The following SORCS3 variants were observed in gnomAD, a reference collection of about 807,000 sequenced individuals.
SORCS3 encodes the protein VPS10 domain-containing receptor SorCS3.
SORCS3 carries 57 observed loss-of-function variants against 146.3 expected under a neutral mutation model. That is an observed-to-expected ratio of 0.39 (90% CI 0.31 to 0.49). SORCS3 has a LOEUF of 0.49. Among genes scored for constraint, SORCS3 ranks in the 20% least tolerant of loss-of-function variants. The pLI is 0.92. For synonymous variants in SORCS3, 653 were observed against 618.5 expected, an observed-to-expected ratio of 1.06 and a Z score of -0.83; for missense variants, 1,341 against 1,575.5, an observed-to-expected ratio of 0.85 and a Z score of 2.52.
chr10:104,650,899 T>C (rs920645652), intron 1 of SORCS3, among the ~76,000 whole-genome samples: 1 of 152,198 alleles, frequency 6.6e-6, no homozygotes, highest in African/African-American at 2.4e-5. Flanking sequence ...CTCATTCAGA[T>C]GGTTAGAATC....
chr10:105,143,277 C>T (rs2056108019), intron 8 of SORCS3, among the ~76,000 whole-genome samples: 1 of 152,064 alleles, frequency 6.6e-6, no homozygotes, highest in East Asian at 1.9e-4. Context: ...TGTGGATCCC[C>T]TTCTTACCAC....
At chr10:104,893,870 C>T (rs1324092042) in intron 2 of SORCS3, among the ~76,000 whole-genome samples, 3 of 152,316 alleles carry the variant, frequency 2.0e-5, no homozygotes, top group South Asian at 4.1e-4. Flanking sequence ...ATAAGGACCT[C>T]GGGTTTTCTC....
chr10:104,696,479 G>GAATATATAATATAT (rs779178861), intron 1 of SORCS3, among the ~76,000 whole-genome samples: 1 of 6,952 alleles, frequency 1.4e-4, no homozygotes, highest in Non-Finnish European at 4.3e-4. Context: ...ATAGAATATA[G>GAATATATAATATAT]AATATATAAT....
chr10:105,176,799 G>A (rs961864979), intron 13 of SORCS3, among the ~76,000 whole-genome samples: 1 of 152,076 alleles, frequency 6.6e-6, no homozygotes, highest in Non-Finnish European at 1.5e-5. Context: ...AGGTTGCAGT[G>A]AGCCGAGATC....
intron 1 of SORCS3, among the ~76,000 whole-genome samples, chr10:104,771,155 G>A (rs2017245065): frequency 6.6e-6 from 1 of 152,172 alleles, no homozygotes. Context: ...AGCAGTGTCG[G>A]CATCACCTGG....
intron 3 of SORCS3, among the ~76,000 whole-genome samples, chr10:104,976,533 C>T (rs2133648934): frequency 6.6e-6 from 1 of 152,200 alleles, no homozygotes; most frequent in South Asian, 2.1e-4. Context: ...ACTAGAAATA[C>T]CATTTGACCC....
intron 16 of SORCS3, among the ~76,000 whole-genome samples, chr10:105,203,858 TG>T (rs1373524117): frequency 6.6e-6 from 1 of 152,222 alleles, no homozygotes; most frequent in African/African-American, 2.4e-5. Flanking sequence ...TTGCTGCTGC[TG>T]TTGATGCTGT....
At chr10:104,724,941 G>A (rs946845209) in intron 1 of SORCS3, among the ~76,000 whole-genome samples, 2 of 152,142 alleles carry the variant, frequency 1.3e-5, no homozygotes, top group African/African-American at 2.4e-5. Flanking sequence ...TTAGCTCGGA[G>A]TAGTTTGATA....
intron 4 of SORCS3, among the ~76,000 whole-genome samples, chr10:104,999,876 GT>G (rs1416642317): frequency 1.3e-5 from 2 of 152,136 alleles, no homozygotes; most frequent in East Asian, 3.9e-4. Flanking sequence ...TATCCCAGGG[GT>G]TTTCATATGG....
chr10:105,089,966 C>A (rs2055690685), intron 6 of SORCS3, 127 bp downstream of exon 6: 3 of 710,824 alleles, frequency 4.2e-6, no homozygotes, highest in Non-Finnish European at 7.4e-6. Context: ...CACATCCATC[C>A]TTAATTCCCA....
At chr10:104,829,688 A>G (rs1169457119) in intron 1 of SORCS3, among the ~76,000 whole-genome samples, 1 of 152,136 alleles carries the variant, frequency 6.6e-6, no homozygotes, top group Non-Finnish European at 1.5e-5. Flanking sequence ...CTTTGAGGCC[A>G]TCTAGTAGCC....
intron 9 of SORCS3, among the ~76,000 whole-genome samples, chr10:105,151,002 T>G (rs2056164299): frequency 6.6e-6 from 1 of 152,158 alleles, no homozygotes; most frequent in Non-Finnish European, 1.5e-5. Flanking sequence ...ATTAGCACAC[T>G]TTTATGGAGT....
At chr10:105,158,413 A>G (rs759269520) in intron 10 of SORCS3, among the ~76,000 whole-genome samples, 1 of 152,226 alleles carries the variant, frequency 6.6e-6, no homozygotes, top group Non-Finnish European at 1.5e-5. Context: ...CAAAATATAT[A>G]AAACAGAGAC....
In SORCS3 at chr10:105,129,332, T is replaced by TCTCTCTCTC. The variant is rs10695210; in HGVS notation, c.1213-10065_1213-10064insCTCTCTCTC. ...TTTCTCTTTTCTTTCTTTCTTTCTC[T>TCTCTCTCTC]TTTTTTTTTTTTTTTTTTTTTTTTT... On this transcript the variant is annotated intron_variant, in intron 7 of 26. Transcript: ENST00000369701. 7.4e-3 allele frequency among the ~76,000 whole-genome samples: 422 copies of TCTCTCTCTC among 57,234 alleles called. 36 individuals are homozygous for TCTCTCTCTC. The highest frequency in any genetic ancestry group is 0.032 in the Middle Eastern group (3 of 94). The allele number at this position is 57,234 out of a possible 152,430, so 37.5% of individuals were successfully genotyped here.
chr10:105,259,205 T>A (rs2119769867), intron 25 of SORCS3, among the ~76,000 whole-genome samples: 1 of 152,344 alleles, frequency 6.6e-6, no homozygotes. Context: ...ACTGAGGAAC[T>A]GAATTTTAAT....
intron 20 of SORCS3, among the ~76,000 whole-genome samples, chr10:105,242,358 TTATA>T (rs1320914366): frequency 1.2e-4 from 15 of 120,858 alleles, no homozygotes; most frequent in Non-Finnish European, 1.6e-5. Flanking sequence ...ATACATATAT[TTATA>T]TATATTTATA....
Position 104,641,625 on chromosome 10 carries a change from G to A in SORCS3, c.298G>A (p.Glu100Lys). The change falls in exon 1 of 27, where the codon GAG becomes AAG. Residue 100 changes from glutamate to lysine, a missense_variant. Physicochemically the swap from Glu to Lys is moderately conservative, Grantham distance 56 (BLOSUM62 1). Transcript: ENST00000369701. The surrounding 1 kb of genome is among the most constrained non-coding windows in gnomAD (Gnocchi z 6.4). ...LPQQGGGRGG[E>K]MQVEAGGTSP... The stretch of plus-strand genomic sequence containing the variant: ...CCAGCAGGGCGGCGGCAGAGGCGGT[G>A]AGATGCAGGTGGAAGCCGGAGGGAC... The A allele has an allele frequency of 6.6e-7, 1 of 1,522,322 alleles. No individual in the cohort carries two copies. The highest frequency in any genetic ancestry group is 8.8e-7 in the Non-Finnish European group (1 of 1,141,032). 94.3% of individuals were successfully genotyped at this position (1,522,322 alleles called of 1,614,324 possible). A position where few individuals can be genotyped will look rare whatever the true frequency, so the allele number is the denominator to read the frequency against.
At chr10:104,988,227 A>G (rs149993583) in intron 4 of SORCS3, among the ~76,000 whole-genome samples, 250 of 152,258 alleles carry the variant, frequency 1.6e-3, no homozygotes, top group African/African-American at 5.8e-3. Context: ...TTCCTGGTTG[A>G]TAGGTGGGCT....
At chr10:105,148,227 A>G (rs928970564) in intron 9 of SORCS3, among the ~76,000 whole-genome samples, 1 of 152,048 alleles carries the variant, frequency 6.6e-6, no homozygotes, top group Non-Finnish European at 1.5e-5. Context: ...AACAAATTTT[A>G]TGGGAAAATA....
Sources: gnomAD v4.1 joint callset for allele counts (sites outside exome capture counted in the v4.1 genomes callset) on GRCh38, gnomAD v4.1.1 for gene constraint, Gnocchi (gnomAD v3.1) non-coding constraint, MANE v1.5 for transcripts, NCBI Gene and HGNC (gene_info 2026-07-23, HGNC 2026-07-21) for gene names.